The following TMEM62 variants were observed in gnomAD, a reference collection of about 807,000 sequenced individuals.
TMEM62 encodes the protein transmembrane protein 62.
In TMEM62, 41 loss-of-function variants were observed where a neutral mutation model predicts 70.4. The observed-to-expected ratio is 0.58, with a 90% CI of 0.45 to 0.76. The LOEUF is 0.76. Among genes scored for constraint, TMEM62 ranks in the 30% least tolerant of loss-of-function variants. The pLI, the probability that TMEM62 is intolerant of heterozygous loss-of-function variation, is 0.00. For missense variants in TMEM62, 688 were observed against 788.5 expected (o/e 0.87, Z 1.53); for synonymous variants, 268 against 291.0 (o/e 0.92, Z 0.80).
At position 43,148,818 on chromosome 15, in the gene TMEM62, T is replaced by C. The variant is rs753974342; in HGVS notation, c.682T>C (p.Phe228Leu). Reference sequence around the variant, plus strand: ...CAGTCGGAGCAACCATACAATTTGGTTTGGACACTTTACAACATCCACTAT... The same window carrying C: ...CAGTCGGAGCAACCATACAATTTGGCTTGGACACTTTACAACATCCACTAT... ...ESSRSNHTIWFGHFTTSTILS... is the reference protein window; with the variant it reads ...ESSRSNHTIWLGHFTTSTILS... The change falls in exon 6 of 14, where the codon TTT becomes CTT. Residue 228 changes from phenylalanine to leucine, a missense_variant. By Grantham distance (22) the Phe-to-Leu change is conservative (BLOSUM62 0). Coordinates refer to ENST00000260403, the MANE Select transcript of TMEM62 (RefSeq NM_024956.4). 2.4e-5 allele frequency: 39 copies of C among 1,614,036 alleles called. No individual in the cohort carries two copies. The Admixed American group carries it at 6.5e-4, about 27-fold the overall frequency.
chr15:43,163,781 C>CG (rs2039046454), intron 10 of TMEM62, among the ~76,000 whole-genome samples: 1 of 148,374 alleles, frequency 6.7e-6, no homozygotes, highest in South Asian at 2.1e-4. Context: ...GACTCCGTCT[C>CG]AAAAAAAAAA....
chr15:43,146,930 G>GA (rs1287523012), intron 5 of TMEM62, among the ~76,000 whole-genome samples: 1 of 152,090 alleles, frequency 6.6e-6, no homozygotes, highest in Non-Finnish European at 1.5e-5. Flanking sequence ...AGCTTTGTGT[G>GA]GTATATTCCT....
chr15:43,145,185 A>T (rs1028890079), intron 4 of TMEM62, among the ~76,000 whole-genome samples: 2 of 144,578 alleles, frequency 1.4e-5, no homozygotes, highest in Non-Finnish European at 3.0e-5. Flanking sequence ...TTAATTTAGA[A>T]TAAAACCCTG....
chr15:43,167,516 T>C (rs558567172), intron 10 of TMEM62, among the ~76,000 whole-genome samples: 27 of 145,010 alleles, frequency 1.9e-4, no homozygotes, highest in African/African-American at 6.8e-4. Flanking sequence ...TCCCCACATC[T>C]CAGACGATGG....
In TMEM62 at chr15:43,135,613, G is replaced by GA. The variant is rs771538939; in HGVS notation, c.400dup (p.Thr134AsnfsTer11). 2 of 1,603,410 alleles carry GA rather than the reference G, an allele frequency of 1.2e-6. No individual in the cohort carries two copies. The highest frequency in any genetic ancestry group is 1.8e-5 in the Admixed American group (1 of 56,372). ...TATTCTGAAGAAGACAAGAGTCATG[G>GA]AAAAAACCAAGTGGCTGGATATCAA... On this transcript the variant is annotated frameshift_variant, in exon 3 of 14. Transcript: ENST00000260403. LOFTEE classifies it high-confidence loss of function.
intron 7 of TMEM62, among the ~76,000 whole-genome samples, chr15:43,151,377 T>G (rs575084678): frequency 6.6e-6 from 1 of 152,212 alleles, no homozygotes; most frequent in East Asian, 1.9e-4. Context: ...ATTTCTAATT[T>G]TGTTCATATC....
At chr15:43,135,091 T>A (rs1483122812) in intron 2 of TMEM62, among the ~76,000 whole-genome samples, 1 of 152,244 alleles carries the variant, frequency 6.6e-6, no homozygotes, top group Non-Finnish European at 1.5e-5. Flanking sequence ...CATTGCTTCT[T>A]GCTGTAAAAA....
rs2038458245 is a variant in TMEM62 at position 43,159,751 on chromosome 15, G to A, written c.1183-930G>A. Among the ~76,000 whole-genome samples, 3 of 152,150 alleles carry A rather than the reference G, an allele frequency of 2.0e-5. No homozygotes were observed. In the South Asian group the frequency reaches 6.2e-4, roughly 32 times the overall value. On this transcript the variant is annotated intron_variant, in intron 9 of 13. Transcript: ENST00000260403. ...GCACTTCCTATTCAAGAACTGGAAT[G>A]AGCTGTTTCCCTAAAGAGCACTGGT...
intron 11 of TMEM62, among the ~76,000 whole-genome samples, chr15:43,175,041 A>G (rs1219818279): frequency 1.3e-5 from 2 of 152,344 alleles, no homozygotes; most frequent in Middle Eastern, 3.4e-3. Flanking sequence ...CTGGAGGGTG[A>G]GATACAAGCA....
intron 11 of TMEM62, among the ~76,000 whole-genome samples, chr15:43,172,058 A>G (rs927935877): frequency 6.6e-6 from 1 of 152,182 alleles, no homozygotes; most frequent in Non-Finnish European, 1.5e-5. Flanking sequence ...TTATGGAACA[A>G]TTTTTGAATG....
chr15:43,174,780 C>A, intron 11 of TMEM62, among the ~76,000 whole-genome samples: 1 of 152,216 alleles, frequency 6.6e-6, no homozygotes, highest in Middle Eastern at 3.2e-3. Context: ...TTTGGTCGTA[C>A]CTTAGAAACT....
intron 12 of TMEM62, chr15:43,180,773 T>G (rs1223508622): frequency 6.5e-6 from 1 of 154,480 alleles, no homozygotes; most frequent in Non-Finnish European, 1.4e-5. Flanking sequence ...AAAAAGTAGT[T>G]GAAGTTTTTT....
intron 12 of TMEM62, among the ~76,000 whole-genome samples, chr15:43,179,121 G>A (rs1279133776): frequency 6.6e-6 from 1 of 152,036 alleles, no homozygotes; most frequent in African/African-American, 2.4e-5. Flanking sequence ...ACTGGTAGGC[G>A]GGTACGGTGG....
intron 11 of TMEM62, 79 bp from the exon 12 acceptor site, chr15:43,178,528 T>A (rs2041011476): frequency 1.1e-6 from 1 of 877,732 alleles, no homozygotes; most frequent in African/African-American, 1.7e-5. Flanking sequence ...AGATAGCCCA[T>A]GAAAATCTTC....
intron 4 of TMEM62, among the ~76,000 whole-genome samples, chr15:43,139,786 G>A (rs1406081206): frequency 6.6e-6 from 1 of 152,216 alleles, no homozygotes; most frequent in Admixed American, 6.5e-5. Flanking sequence ...AAAGTTGGAA[G>A]CTGGCAGAGT....
chr15:43,142,164 CTTTTTTT>C (rs56110605), intron 4 of TMEM62, among the ~76,000 whole-genome samples: 1 of 83,620 alleles, frequency 1.2e-5, no homozygotes. Flanking sequence ...TAGAGAAATT[CTTTTTTT>C]TTTTTTTTTT....
intron 5 of TMEM62, among the ~76,000 whole-genome samples, chr15:43,147,815 T>C (rs112825959): frequency 3.3e-5 from 5 of 152,242 alleles, no homozygotes; most frequent in Non-Finnish European, 7.3e-5. Context: ...GAAAACCAAC[T>C]GGAGTGTTAC....
intron 3 of TMEM62, 184 bp downstream of exon 3, chr15:43,135,833 A>G (rs2035147055): frequency 1.7e-6 from 1 of 591,370 alleles, no homozygotes; most frequent in East Asian, 3.2e-5. Flanking sequence ...AGCCTTTGAG[A>G]TGACAATTGG....
At chr15:43,134,965 C>T (rs1039400705) in intron 2 of TMEM62, among the ~76,000 whole-genome samples, 1 of 152,206 alleles carries the variant, frequency 6.6e-6, no homozygotes, top group Non-Finnish European at 1.5e-5. Flanking sequence ...CTTATTGAAG[C>T]ATCTCTGCTG....
Sources: allele counts gnomAD v4.1 joint callset (sites outside exome capture counted in the v4.1 genomes callset), GRCh38; gene constraint gnomAD v4.1.1; transcripts MANE v1.5; gene names NCBI Gene and HGNC (gene_info 2026-07-23, HGNC 2026-07-21).